Variants in CKAP5 observed in about 807,000 individuals in gnomAD.
The protein encoded by CKAP5 is cytoskeleton associated protein 5.
Under a neutral mutation model 232.8 loss-of-function variants are expected in CKAP5, and 27 were observed. The observed-to-expected ratio is 0.12, with a 90% CI of 0.09 to 0.16. The LOEUF is 0.16. Among genes scored for constraint, CKAP5 ranks in the 10% least tolerant of loss-of-function variants. The pLI, the probability that CKAP5 is intolerant of heterozygous loss-of-function variation, is 1.00. For synonymous variants in CKAP5, 785 were observed against 841.1 expected, an observed-to-expected ratio of 0.93 and a Z score of 1.16; for missense variants, 1,838 against 2,424.7, an observed-to-expected ratio of 0.76 and a Z score of 5.08.
chr11:46,802,082 T>C (rs967991561), intron 8 of CKAP5: 1 of 152,198 alleles, frequency 6.6e-6, no homozygotes, highest in Admixed American at 6.5e-5. Context: ...GACTCTAAAT[T>C]GTGAATGCTA....
intron 42 of CKAP5, among the ~76,000 whole-genome samples, chr11:46,747,412 G>A (rs1040428913): frequency 6.6e-6 from 1 of 151,858 alleles, no homozygotes; most frequent in Admixed American, 6.6e-5. Flanking sequence ...GACCAGCCTG[G>A]CCAATACGGT....
intron 29 of CKAP5, 104 bp downstream of exon 29, chr11:46,763,377 A>T: frequency 9.1e-7 from 1 of 1,095,212 alleles, no homozygotes; most frequent in Non-Finnish European, 1.3e-6. Flanking sequence ...AATAGAGAAC[A>T]TAGTATATTC....
At chr11:46,846,026 C>T (rs936137120) in intron 1 of CKAP5, among the ~76,000 whole-genome samples, 194 bp downstream of exon 1, 1 of 151,466 alleles carries the variant, frequency 6.6e-6, no homozygotes, top group Non-Finnish European at 1.5e-5. Context: ...CACGAGCGCC[C>T]ACGCCCCCGG....
At chr11:46,804,836 G>A (rs1939115755) in intron 8 of CKAP5, among the ~76,000 whole-genome samples, 1 of 151,506 alleles carries the variant, frequency 6.6e-6, no homozygotes, top group South Asian at 2.1e-4. Flanking sequence ...AAATCTTAAT[G>A]TAAAGATAAA....
At chr11:46,836,316 ATAAT>A (rs1289171046) in intron 1 of CKAP5, among the ~76,000 whole-genome samples, 1 of 152,250 alleles carries the variant, frequency 6.6e-6, no homozygotes, top group Non-Finnish European at 1.5e-5. Flanking sequence ...GGAACAATCT[ATAAT>A]TATTCCAAAA....
At chr11:46,822,897 C>T (rs1939573145) in intron 1 of CKAP5, among the ~76,000 whole-genome samples, 1 of 152,098 alleles carries the variant, frequency 6.6e-6, no homozygotes, top group Non-Finnish European at 1.5e-5. Flanking sequence ...TATACATATT[C>T]TTTATGTAAA....
chr11:46,818,606 T>C (rs772753393), intron 2 of CKAP5, 103 bp from the exon 3 acceptor site: 4 of 817,478 alleles, frequency 4.9e-6, no homozygotes, highest in Non-Finnish European at 5.4e-6. Context: ...GAATATCCTA[T>C]GTCAGGTAAT....
chr11:46,787,956 C>A (rs914217905), intron 16 of CKAP5, among the ~76,000 whole-genome samples: 3 of 152,182 alleles, frequency 2.0e-5, no homozygotes, highest in Non-Finnish European at 2.9e-5. Context: ...GAATTGAAGA[C>A]CTTTATGATG....
In CKAP5 at chr11:46,846,228, G is replaced by A. The variant is rs1940190232; in HGVS notation, c.-46C>T. ...GCCCACCGACCACTCACCTCAGCTGGGTCAGAACCAAGCGGCCTGCTCTAA... is the reference window on the plus strand; with the variant it reads ...GCCCACCGACCACTCACCTCAGCTGAGTCAGAACCAAGCGGCCTGCTCTAA... On this transcript the variant is annotated 5_prime_UTR_variant, in exon 1 of 44. Transcript: ENST00000529230. The A allele has an allele frequency of 6.6e-6, 1 of 152,332 alleles. No individual in the cohort carries two copies. The highest frequency in any genetic ancestry group is 2.4e-5 in the African/African-American group (1 of 41,462). 9.4% of individuals were successfully genotyped at this position (152,332 alleles called of 1,614,324 possible).
At position 46,818,325 on chromosome 11, in the gene CKAP5, G is replaced by T; in HGVS notation, c.236C>A (p.Ala79Asp). 1 of 1,586,974 alleles carries T rather than the reference G, an allele frequency of 6.3e-7. No homozygotes were observed. Among genetic ancestry groups the T allele is most frequent in the Admixed American group, 1.9e-5 (1 of 53,900 alleles). The change falls in exon 3 of 44, where the codon GCC becomes GAC. Residue 79 changes from alanine (A) to aspartate (D), a missense_variant. Physicochemically the swap from Ala to Asp is moderately radical, Grantham distance 126. Transcript: ENST00000529230. Reference protein sequence around the residue: ...LEAALVYVENAHVAGKTTGEV... With the variant: ...LEAALVYVENDHVAGKTTGEV... ...AAGTACTTACTTTCCTGCTACATGG[G>T]CATTTTCAACATAAACAAGTGCAGC... is the stretch of plus-strand genomic sequence containing the variant.
Position 46,777,420 on chromosome 11 carries a change from T to C in CKAP5, c.2862+19A>G, listed in dbSNP as rs1317532650. ...GGCCTATTCCAGAATGGAGGCATGGTGAAAAGAGTTAGGTTTACCTTGCTG... is the reference window on the plus strand; with the variant it reads ...GGCCTATTCCAGAATGGAGGCATGGCGAAAAGAGTTAGGTTTACCTTGCTG... On this transcript the variant is annotated intron_variant, in intron 23 of 43. Coordinates refer to ENST00000529230, the MANE Select transcript of CKAP5 (RefSeq NM_001008938.4). 2 of 1,482,734 alleles carry C rather than the reference T, an allele frequency of 1.3e-6. No individual in the cohort carries two copies. Among genetic ancestry groups the C allele is most frequent in the South Asian group, 2.3e-5 (2 of 87,740 alleles). 91.8% of individuals were successfully genotyped at this position (1,482,734 alleles called of 1,614,324 possible).
At chr11:46,801,495 C>G (rs1017245114) in intron 8 of CKAP5, among the ~76,000 whole-genome samples, 191 bp from the exon 9 acceptor site, 10 of 152,108 alleles carry the variant, frequency 6.6e-5, no homozygotes, top group Admixed American at 5.9e-4. Context: ...CATGGTGAGA[C>G]CCTGTCTCTA....
intron 4 of CKAP5, among the ~76,000 whole-genome samples, chr11:46,814,809 C>T (rs193290757): frequency 6.6e-5 from 10 of 152,286 alleles, no homozygotes; most frequent in Admixed American, 2.6e-4. Flanking sequence ...TTTCACTGTG[C>T]GTCTCTTTAA....
In CKAP5 at chr11:46,821,171, T is replaced by C. The variant is rs775049613; in HGVS notation, c.57+4A>G. 2 of 1,608,508 alleles carry C rather than the reference T, an allele frequency of 1.2e-6. No homozygotes were observed. Among genetic ancestry groups the C allele is most frequent in the Non-Finnish European group, 1.7e-6 (2 of 1,175,048 alleles). On this transcript the variant is annotated splice_donor_region_variant and intron_variant, in intron 2 of 43. Coordinates refer to ENST00000529230, the MANE Select transcript of CKAP5 (RefSeq NM_001008938.4). ...CTGAAAATCGAATTCCAGAAGAATC[T>C]TACCTTGTGTTCACATTTCTGATCA...
At chr11:46,776,195 C>G in intron 24 of CKAP5, 60 bp downstream of exon 24, 1 of 1,499,770 alleles carries the variant, frequency 6.7e-7, no homozygotes, top group Non-Finnish European at 9.2e-7. Flanking sequence ...TCAGACAGGC[C>G]CAAGCCCCTA....
intron 17 of CKAP5, among the ~76,000 whole-genome samples, chr11:46,783,941 A>G (rs1300177648): frequency 6.6e-6 from 1 of 151,808 alleles, no homozygotes; most frequent in East Asian, 2.0e-4. Flanking sequence ...CCTGGCCTCA[A>G]GTCATCCTCC....
intron 26 of CKAP5, among the ~76,000 whole-genome samples, chr11:46,768,022 C>T (rs897639907): frequency 1.3e-5 from 2 of 152,070 alleles, no homozygotes; most frequent in Admixed American, 6.5e-5. Flanking sequence ...TCTCAAACTC[C>T]TGGGCTCAAG....
At chr11:46,798,758 T>C (rs940499546) in intron 9 of CKAP5, among the ~76,000 whole-genome samples, 5 of 152,188 alleles carry the variant, frequency 3.3e-5, no homozygotes, top group African/African-American at 1.2e-4. Context: ...GAAGATGTTC[T>C]GGAATTAGAT....
intron 3 of CKAP5, 70 bp downstream of exon 3, chr11:46,818,240 A>G (rs778126192): frequency 5.6e-5 from 68 of 1,217,020 alleles, no homozygotes; most frequent in Admixed American, 4.2e-4. Context: ...AAGGACAGTG[A>G]TCTACAAACA....
Sources: allele counts gnomAD v4.1 joint callset (sites outside exome capture counted in the v4.1 genomes callset), GRCh38; gene constraint gnomAD v4.1.1; transcripts MANE v1.5; gene names NCBI Gene and HGNC (gene_info 2026-07-23, HGNC 2026-07-21).